Variants in PCDHA2 observed in about 807,000 individuals in gnomAD.
PCDHA2 encodes protocadherin alpha-2.
PCDHA2 carries 58 observed loss-of-function variants against 66.0 expected under a neutral mutation model. That is an observed-to-expected ratio of 0.88 (90% CI 0.71 to 1.09). The LOEUF is 1.09. Among genes scored for constraint, PCDHA2 ranks in the 50% least tolerant of loss-of-function variants. The pLI is 0.00. For missense variants in PCDHA2, 1,267 were observed against 1,242.3 expected, an observed-to-expected ratio of 1.02 and a Z score of -0.30; for synonymous variants, 634 against 554.0, an observed-to-expected ratio of 1.14 and a Z score of -2.03.
chr5:140,876,761 G>C (rs1554168887), intron 1 of PCDHA2: 2 of 1,614,238 alleles, frequency 1.2e-6, no homozygotes, highest in East Asian at 2.2e-5. Context: ...GCGCGGGATG[G>C]GGGCTCGCCT....
intron 1 of PCDHA2, chr5:140,869,606 T>C: frequency 2.5e-6 from 4 of 1,614,026 alleles, no homozygotes; most frequent in Non-Finnish European, 3.4e-6. Flanking sequence ...AATGCTCTAT[T>C]GACCTACAGG....
chr5:140,873,518 A>G (rs2054336624), intron 1 of PCDHA2, among the ~76,000 whole-genome samples: 1 of 152,200 alleles, frequency 6.6e-6, no homozygotes, highest in Non-Finnish European at 1.5e-5. Context: ...CTTAATGCCA[A>G]GATTGCATTC....
intron 3 of PCDHA2, among the ~76,000 whole-genome samples, chr5:140,995,219 GT>G (rs1554254532): frequency 6.6e-6 from 1 of 152,072 alleles, no homozygotes; most frequent in East Asian, 1.9e-4. Flanking sequence ...CAATACTCTT[GT>G]GCTTTGGGGC....
chr5:140,954,638 T>C (rs1297767818), intron 1 of PCDHA2, among the ~76,000 whole-genome samples: 2 of 152,212 alleles, frequency 1.3e-5, no homozygotes, highest in Non-Finnish European at 2.9e-5. Flanking sequence ...TTCTTGTAAA[T>C]TTGTTTAAGT....
intron 1 of PCDHA2, among the ~76,000 whole-genome samples, chr5:140,906,762 G>GAGAC (rs1413130419): frequency 6.6e-6 from 1 of 152,218 alleles, no homozygotes; most frequent in Non-Finnish European, 1.5e-5. Context: ...GTAATACTAA[G>GAGAC]AGACACCCTA....
intron 1 of PCDHA2, chr5:140,968,554 A>G (rs782240700): frequency 1.9e-6 from 3 of 1,614,162 alleles, no homozygotes; most frequent in Non-Finnish European, 2.5e-6. Context: ...TGGTGCCTCG[A>G]ACTGCCCCTG....
chr5:140,798,990 A>G (rs1554120808), intron 1 of PCDHA2, among the ~76,000 whole-genome samples: 1 of 152,236 alleles, frequency 6.6e-6, no homozygotes. Context: ...ATCCATTTCC[A>G]AGTAATACTT....
chr5:140,839,259 C>CATGT (rs1776124164), intron 1 of PCDHA2, among the ~76,000 whole-genome samples: 1 of 152,020 alleles, frequency 6.6e-6, no homozygotes, highest in African/African-American at 2.4e-5. Flanking sequence ...TGCTTACATG[C>CATGT]ATGTATATTT....
At chr5:140,900,438 C>G (rs573115268) in intron 1 of PCDHA2, among the ~76,000 whole-genome samples, 1 of 152,116 alleles carries the variant, frequency 6.6e-6, no homozygotes, top group East Asian at 1.9e-4. Context: ...CCACCACGGC[C>G]GGCTAATTTT....
intron 1 of PCDHA2, among the ~76,000 whole-genome samples, chr5:140,941,270 T>C (rs1437273239): frequency 1.2e-4 from 17 of 136,774 alleles, no homozygotes; most frequent in Admixed American, 2.3e-4. Flanking sequence ...TCTTTCTTTC[T>C]TTCCTTCCTT....
chr5:140,884,709 C>T (rs2060331114), intron 1 of PCDHA2: 1 of 1,477,632 alleles, frequency 6.8e-7, no homozygotes. Context: ...CTTTAGCCTT[C>T]CTTGCAGTTG....
chr5:140,801,638 G>A (rs782515708), intron 1 of PCDHA2: 3 of 1,614,204 alleles, frequency 1.9e-6, no homozygotes, highest in South Asian at 2.2e-5. Context: ...AATCCCGACA[G>A]CCTGGCTCTC....
chr5:140,966,382 G>A, intron 1 of PCDHA2: 1 of 403,884 alleles, frequency 2.5e-6, no homozygotes, highest in Non-Finnish European at 4.3e-6. Context: ...GTCCGGGTTC[G>A]CTGTCCGCCA....
At position 140,850,728 on chromosome 5, in the gene PCDHA2, G is replaced by A. The variant is rs2150496245; in HGVS notation, c.2388+53376G>A. The A allele has an allele frequency of 8.1e-6, 13 of 1,598,072 alleles. 2 individuals are homozygous for A. Among genetic ancestry groups the A allele is most frequent in the Non-Finnish European group, 1.1e-5 (13 of 1,167,642 alleles). The stretch of plus-strand genomic sequence containing the variant: ...GCCGACGCTGGTGTGTTCTAGCGCG[G>A]TGGGGAGTTGGTCGTACTCGCAGCA... On this transcript the variant is annotated intron_variant, in intron 1 of 3. Coordinates refer to ENST00000526136, the MANE Select transcript of PCDHA2 (RefSeq NM_018905.3).
intron 1 of PCDHA2, chr5:140,836,297 T>G (rs2150257087): frequency 1.2e-6 from 2 of 1,613,576 alleles, no homozygotes; most frequent in African/African-American, 1.3e-5. Context: ...GAGCCCTAGA[T>G]GAGACGGACG....
At chr5:140,914,921 T>C (rs895344325) in intron 1 of PCDHA2, among the ~76,000 whole-genome samples, 1 of 151,508 alleles carries the variant, frequency 6.6e-6, no homozygotes, top group Non-Finnish European at 1.5e-5. Context: ...TGTGTCTTAT[T>C]GTACTATGTT....
intron 1 of PCDHA2, among the ~76,000 whole-genome samples, chr5:140,895,314 G>A (rs2064960648): frequency 6.6e-6 from 1 of 151,858 alleles, no homozygotes; most frequent in Non-Finnish European, 1.5e-5. Context: ...TTCCACCCAT[G>A]ACTATTGTTC....
chr5:140,870,801 G>T (rs1210285882), intron 1 of PCDHA2: 6 of 1,613,670 alleles, frequency 3.7e-6, no homozygotes, highest in Non-Finnish European at 5.1e-6. Context: ...CACTGCTGGC[G>T]ACTCAGGCTG....
At chr5:140,882,319 G>A in intron 1 of PCDHA2, 1 of 1,614,136 alleles carries the variant, frequency 6.2e-7, no homozygotes, top group Admixed American at 1.7e-5. Context: ...TACTGCTCTG[G>A]CTTCTGATCC....
Sources: allele counts gnomAD v4.1 joint callset (sites outside exome capture counted in the v4.1 genomes callset), GRCh38; gene constraint gnomAD v4.1.1; transcripts MANE v1.5; gene names NCBI Gene and HGNC (gene_info 2026-07-23, HGNC 2026-07-21).